Variants in PBRM1 observed in about 807,000 individuals in gnomAD.
PBRM1 encodes protein polybromo-1.
PBRM1 carries 27 observed loss-of-function variants against 194.5 expected under a neutral mutation model. That is an observed-to-expected ratio of 0.14 (90% CI 0.10 to 0.19). PBRM1 has a LOEUF of 0.19. Ranked by LOEUF, PBRM1 falls within the 10% of genes least tolerant of loss-of-function variation. The pLI, the probability that PBRM1 is intolerant of heterozygous loss-of-function variation, is 1.00. For missense variants in PBRM1, 1,466 were observed against 2,077.2 expected, an observed-to-expected ratio of 0.71 and a Z score of 5.72; for synonymous variants, 655 against 693.2, an observed-to-expected ratio of 0.94 and a Z score of 0.87.
chr3:52,634,997 C>T (rs2095754558), intron 10 of PBRM1, among the ~76,000 whole-genome samples, 182 bp from the exon 12 acceptor site: 1 of 152,154 alleles, frequency 6.6e-6, no homozygotes, highest in South Asian at 2.1e-4. Context: ...GCGATCTTGG[C>T]TCCCTGCAGT....
rs1194011743 is a variant in PBRM1 at position 52,609,458 on chromosome 3, G to T, written c.2422C>A (p.Pro808Thr). The T allele has an allele frequency of 6.2e-7, 1 of 1,613,950 alleles. No individual in the cohort carries two copies. The highest frequency in any genetic ancestry group is 1.1e-5 in the South Asian group (1 of 91,068). The change falls in exon 16 of 30, where the codon CCT (proline) becomes ACT (threonine). Residue 808 changes from proline (P) to threonine (T), a missense_variant. This residue lies in a region of PBRM1 where 687 missense variants were observed against 946.2 expected (regional missense o/e 0.73). Coordinates refer to ENST00000296302, the Ensembl canonical transcript of PBRM1. The surrounding 1 kb of genome is among the most constrained non-coding windows in gnomAD (Gnocchi z 4.1). Reference sequence around the variant, plus strand: ...TTAGGAAAGTTGGGATCCACAGCAGGAATTTCTGCTAAAGAATCGCTGTAG... The same window carrying T: ...TTAGGAAAGTTGGGATCCACAGCAGTAATTTCTGCTAAAGAATCGCTGTAG...
intron 5 of PBRM1, among the ~76,000 whole-genome samples, chr3:52,652,864 G>A (rs2096533007): frequency 6.6e-6 from 1 of 151,932 alleles, no homozygotes; most frequent in Admixed American, 6.6e-5. Flanking sequence ...CAGGCATGGT[G>A]GTGTGCGCCT....
chr3:52,652,923 A>G (rs1480621736), intron 5 of PBRM1, among the ~76,000 whole-genome samples: 2 of 152,056 alleles, frequency 1.3e-5, no homozygotes, highest in Middle Eastern at 3.4e-3. Context: ...ACTTGAGCGC[A>G]GGAGATGGAG....
chr3:52,567,568 AAAAAAAAAAAAAAG>A (rs2085675530), intron 22 of PBRM1, among the ~76,000 whole-genome samples: 1 of 149,596 alleles, frequency 6.7e-6, no homozygotes, highest in African/African-American at 2.4e-5. Flanking sequence ...GTAATCTCAA[AAAAAAAAAAAAAAG>A]AAAAAAGAAA....
chr3:52,634,846 G>C, intron 10 of PBRM1, 31 bp from the exon 12 acceptor site: 1 of 1,437,980 alleles, frequency 7.0e-7, no homozygotes, highest in Non-Finnish European at 9.7e-7. Context: ...TTTATAAAGG[G>C]ACGAATGAGA....
chr3:52,581,629 T>C (rs536648346), intron 20 of PBRM1, among the ~76,000 whole-genome samples: 1 of 152,026 alleles, frequency 6.6e-6, no homozygotes, highest in African/African-American at 2.4e-5. Flanking sequence ...GAATGGGTTC[T>C]ATTCTAAAGT....
At chr3:52,673,338 C>T (rs1013614758) in intron 2 of PBRM1, among the ~76,000 whole-genome samples, 1 of 151,256 alleles carries the variant, frequency 6.6e-6, no homozygotes, top group African/African-American at 2.4e-5. Flanking sequence ...TGTTAAAAAA[C>T]AAAATGAAAC....
At chr3:52,674,497 AG>A (rs2097040784) in intron 2 of PBRM1, among the ~76,000 whole-genome samples, 1 of 68,480 alleles carries the variant, frequency 1.5e-5, no homozygotes, top group African/African-American at 3.6e-5. Flanking sequence ...AAAAAAAAAA[AG>A]AGAGAGAGAG....
chr3:52,546,949 C>T (rs563167528), downstream of PBRM1: 2 of 232,942 alleles, frequency 8.6e-6, no homozygotes, highest in Admixed American at 5.6e-5. Flanking sequence ...AGAAAAAATA[C>T]ATCTGATAAT....
chr3:52,657,511 C>A (rs1181625348), intron 5 of PBRM1, among the ~76,000 whole-genome samples: 1 of 152,032 alleles, frequency 6.6e-6, no homozygotes, highest in Non-Finnish European at 1.5e-5. Flanking sequence ...GCTCTGTCAC[C>A]CAGGCTGGAG....
chr3:52,667,489 ACGCCT>A (rs2096863653), intron 3 of PBRM1, among the ~76,000 whole-genome samples: 1 of 152,122 alleles, frequency 6.6e-6, no homozygotes, highest in Non-Finnish European at 1.5e-5. Context: ...ATGGTCGCTC[ACGCCT>A]GTTGTCCCAG....
At chr3:52,640,053 T>G (rs1188206783) in intron 10 of PBRM1, among the ~76,000 whole-genome samples, 2 of 152,178 alleles carry the variant, frequency 1.3e-5, no homozygotes, top group Non-Finnish European at 2.9e-5. Context: ...TCTGCTTGTT[T>G]TACATATTTT....
intron 20 of PBRM1, among the ~76,000 whole-genome samples, chr3:52,584,018 T>A (rs1001256079): frequency 3.9e-5 from 6 of 152,096 alleles, no homozygotes; most frequent in Admixed American, 2.0e-4. Flanking sequence ...TTTTTAAATT[T>A]AAAAAAATCC....
intron 18 of PBRM1, 105 bp downstream of exon 20, chr3:52,588,965 G>A (rs760502768): frequency 1.3e-6 from 1 of 745,986 alleles, no homozygotes. Context: ...CAATTATTAT[G>A]GAAAGGCTTA....
chr3:52,657,845 T>C (rs1462682721), intron 5 of PBRM1, among the ~76,000 whole-genome samples: 2 of 148,930 alleles, frequency 1.3e-5, no homozygotes, highest in African/African-American at 5.0e-5. Context: ...TGGAGTGCAA[T>C]GGCGCAATCT....
chr3:52,587,568 C>A (rs2092562647), intron 18 of PBRM1, 58 bp from the exon 21 acceptor site: 167 of 912,398 alleles, frequency 1.8e-4, no homozygotes, highest in Middle Eastern at 3.0e-4. Context: ...TAACAGAAAT[C>A]ACTTTTTTTT....
chr3:52,586,641 A>G, exon 20 of PBRM1: 1 of 1,613,682 alleles, frequency 6.2e-7, no homozygotes, highest in Non-Finnish European at 8.5e-7. Context: ...ATTCACAGAC[A>G]AAAACATCCT....
At chr3:52,619,344 T>C (rs1279272360) in intron 13 of PBRM1, among the ~76,000 whole-genome samples, 1 of 152,202 alleles carries the variant, frequency 6.6e-6, no homozygotes, top group Non-Finnish European at 1.5e-5. Flanking sequence ...TATTTGCAAA[T>C]AACATGTGCA....
chr3:52,632,687 T>G (rs1049689703), intron 11 of PBRM1, among the ~76,000 whole-genome samples: 3 of 131,714 alleles, frequency 2.3e-5, no homozygotes, highest in African/African-American at 8.2e-5. Context: ...CACCTTGACC[T>G]TTTTTTTTTT....
Sources: allele counts gnomAD v4.1 joint callset (sites outside exome capture counted in the v4.1 genomes callset), GRCh38; gene constraint gnomAD v4.1.1; regional missense constraint gnomAD v4.1.1; non-coding constraint Gnocchi (gnomAD v3.1); transcripts MANE v1.5; gene names NCBI Gene and HGNC (gene_info 2026-07-23, HGNC 2026-07-21).